DMD: variants seen among roughly 807,000 people sequenced by gnomAD.
DMD encodes mutant dystrophin.
DMD carries 63 observed loss-of-function variants against 330.1 expected under a neutral mutation model. The ratio of observed to expected loss-of-function variants is 0.19; its 90% CI spans 0.16 to 0.24. The LOEUF is 0.24. DMD is among the 10% of genes least tolerant of loss of function. The pLI is 1.00. For missense variants in DMD, 3,344 were observed against 2,684.1 expected (o/e 1.25, Z -5.43); for synonymous variants, 1,223 against 959.8 (o/e 1.27, Z -5.07).
intron 44 of DMD, among the ~76,000 whole-genome samples, chrX:32,092,886 A>G (rs936440661): frequency 2.8e-5 from 3 of 108,863 alleles, no homozygotes; most frequent in African/African-American, 1.0e-4. Context: ...CACTATTAAA[A>G]CGCAACTTAT....
At chrX:32,586,480 G>A (rs1318321139) in intron 13 of DMD, among the ~76,000 whole-genome samples, 1 of 108,210 alleles carries the variant, frequency 9.2e-6, no homozygotes, top group African/African-American at 3.4e-5. Flanking sequence ...ATTTGTACTT[G>A]TAAATTTAAC....
Position 31,314,574 on chromosome X carries a change from G to A in DMD, c.9224+9024C>T, listed in dbSNP as rs140677793. Among the ~76,000 whole-genome samples, 1,357 of 111,238 alleles carry A rather than the reference G, an allele frequency of 0.012. 24 individuals are homozygous for A. The highest frequency in any genetic ancestry group is 0.042 in the African/African-American group (1,273 of 30,556). On this transcript the variant is annotated intron_variant, in intron 62 of 78. Coordinates refer to ENST00000357033, the MANE Select transcript of DMD (RefSeq NM_004006.3). ...AAAACGTGATCATTTGCCGAATGCCGACAGTGAGCTAAGTCTCATCTAGGA... is the reference window on the plus strand; with the variant it reads ...AAAACGTGATCATTTGCCGAATGCCAACAGTGAGCTAAGTCTCATCTAGGA...
intron 44 of DMD, among the ~76,000 whole-genome samples, chrX:32,091,383 T>C (rs911219570): frequency 1.2e-4 from 13 of 112,164 alleles, no homozygotes; most frequent in African/African-American, 3.9e-4. Flanking sequence ...TAAAAAAGCA[T>C]GGCTTAGATG....
chrX:31,119,738 A>G lies in DMD; in HGVS notation c.*2181T>C, dbSNP rs1364851276. On this transcript the variant is annotated 3_prime_UTR_variant, in exon 79 of 79. Transcript: ENST00000357033. The stretch of plus-strand genomic sequence containing the variant: ...AAAGTAACCCCTTGTTTTAAATCTG[A>G]GTTTTAAAAATCCTTGGGTAAAGAA... The G allele has an allele frequency of 8.9e-6, 1 of 111,896 alleles. No individual in the cohort carries two copies. The allele number at this position is 111,896 out of a possible 1,213,427, so 9.2% of individuals were successfully genotyped here.
At chrX:32,429,788 C>T (rs1221280420) in intron 29 of DMD, among the ~76,000 whole-genome samples, 1 of 109,472 alleles carries the variant, frequency 9.1e-6, no homozygotes, top group African/African-American at 3.3e-5. Context: ...GCTGTAACTC[C>T]CCTCCATATT....
rs2147175359 is a variant in DMD at position 31,507,302 on chromosome X, C to T, written c.8369G>A (p.Arg2790Gln). The change falls in exon 56 of 79, where the codon CGG (arginine) becomes CAG (glutamine). Residue 2790 changes from arginine (R) to glutamine (Q), a missense_variant. Arg to Gln is a conservative substitution (Grantham distance 43). Coordinates refer to ENST00000357033, the MANE Select transcript of DMD (RefSeq NM_004006.3). ...DNMNFKWSEL[R>Q]KKSLNIRSHL... is the part of the protein sequence containing the mutation. ...CTACCTAATGTTGAGAGACTTTTTC[C>T]GAAGTTCACTCCACTTGAAGTTCAT... 12 of 1,211,228 alleles carry T rather than the reference C, an allele frequency of 9.9e-6. No homozygotes were observed. Among genetic ancestry groups the T allele is most frequent in the African/African-American group, 1.7e-5 (1 of 57,682 alleles).
rs774511414 is a variant in DMD at position 31,504,664 on chromosome X, A to G, written c.8390+2617T>C. Among the ~76,000 whole-genome samples the G allele has an allele frequency of 2.7e-5, 3 of 111,846 alleles. No individual in the cohort carries two copies. The East Asian group carries it at 8.4e-4, about 31-fold the overall frequency. ...CAGTGTTATTCTATTCTATTTCATA[A>G]TCATCCCTAATTACTGCCTATACTG... On this transcript the variant is annotated intron_variant, in intron 56 of 78. Coordinates refer to ENST00000357033, the MANE Select transcript of DMD (RefSeq NM_004006.3).
chrX:32,908,418 G>C lies in DMD; in HGVS notation c.94-58598C>G, dbSNP rs1270559495. On this transcript the variant is annotated intron_variant, in intron 2 of 78. Coordinates refer to ENST00000357033, the MANE Select transcript of DMD (RefSeq NM_004006.3). ...TGAAAATATTTTTAAAGTACATTTTGCACCAAACATTTTAACTTATGAGTA... is the reference window on the plus strand; with the variant it reads ...TGAAAATATTTTTAAAGTACATTTTCCACCAAACATTTTAACTTATGAGTA... 9.0e-5 allele frequency among the ~76,000 whole-genome samples: 10 copies of C among 111,721 alleles called. No individual in the cohort carries two copies. The Admixed American group carries it at 9.5e-4, about 11-fold the overall frequency.
At position 32,354,268 on chromosome X, in the gene DMD, T is replaced by A. The variant is rs191681460; in HGVS notation, c.5326-5740A>T. Among the ~76,000 whole-genome samples the A allele has an allele frequency of 1.3e-4, 14 of 111,872 alleles. No homozygotes were observed. In the East Asian group the frequency reaches 2.2e-3, roughly 18 times the overall value. ...ATAATCCAAGTGCTACAGATTGGTTTAAAATTGCTTCAAATCCATCAGTCT... is the reference window on the plus strand; with the variant it reads ...ATAATCCAAGTGCTACAGATTGGTTAAAAATTGCTTCAAATCCATCAGTCT... On this transcript the variant is annotated intron_variant, in intron 37 of 78. Coordinates refer to ENST00000357033, the MANE Select transcript of DMD (RefSeq NM_004006.3).
intron 43 of DMD, among the ~76,000 whole-genome samples, chrX:32,257,551 A>C (rs1778136655): frequency 1.8e-5 from 2 of 111,851 alleles, no homozygotes; most frequent in South Asian, 7.5e-4. Context: ...AACCTGACAA[A>C]AACAAGCAAC....
intron 49 of DMD, among the ~76,000 whole-genome samples, chrX:31,832,223 C>T (rs1453371933): frequency 1.8e-5 from 2 of 112,128 alleles, no homozygotes; most frequent in African/African-American, 3.2e-5. Context: ...GGCAACATTT[C>T]GACCAATGAA....
Position 31,147,505 on chromosome X carries a change from C to G in DMD, c.10567G>C (p.Glu3523Gln), listed in dbSNP as rs1131691670. 24 of 1,188,280 alleles carry G rather than the reference C, an allele frequency of 2.0e-5. No homozygotes were observed. The highest frequency in any genetic ancestry group is 2.3e-4 in the Middle Eastern group (1 of 4,319). The change falls in exon 75 of 79, where the codon GAA becomes CAA. Residue 3523 changes from glutamate to glutamine, a missense_variant. By Grantham distance (29) the Glu-to-Gln change is conservative. Coordinates refer to ENST00000357033, the MANE Select transcript of DMD (RefSeq NM_004006.3). ...TGCTGCTGCTTTAGACGGTCATATTCTGCTTGCAGATTCCTATTGGCATCA... is the reference window on the plus strand; with the variant it reads ...TGCTGCTGCTTTAGACGGTCATATTGTGCTTGCAGATTCCTATTGGCATCA... Reference protein sequence around the residue: ...LEEENRNLQAEYDRLKQQHEH... With the variant: ...LEEENRNLQAQYDRLKQQHEH...
At position 32,554,109 on chromosome X, in the gene DMD, T is replaced by A. The variant is rs148426220; in HGVS notation, c.1993-8775A>T. Among the ~76,000 whole-genome samples the A allele has an allele frequency of 6.9e-3, 770 of 112,153 alleles. 17 individuals carry two copies. The highest frequency in any genetic ancestry group is 0.064 in the Admixed American group (672 of 10,557). ...CTAATGAGAACAAAGAGACAATTTA[T>A]CAGAATCTCTGGGACGCAGCTAAAG... On this transcript the variant is annotated intron_variant, in intron 16 of 78. Transcript: ENST00000357033.
intron 17 of DMD, among the ~76,000 whole-genome samples, chrX:32,534,212 TGACAGCCTTCTTCCTGGCTTGTA>T (rs1375798793): frequency 8.9e-6 from 1 of 112,158 alleles, no homozygotes; most frequent in East Asian, 2.8e-4. Context: ...CAGTTCCTGG[TGACAGCCTTCTTCCTGGCTTGTA>T]GACAGCCTCT....
At chrX:32,608,298 C>A (rs754818113) in intron 12 of DMD, among the ~76,000 whole-genome samples, 1 of 110,222 alleles carries the variant, frequency 9.1e-6, no homozygotes, top group Non-Finnish European at 1.9e-5. Flanking sequence ...GATGTCTTCT[C>A]AATTCGATTT....
At position 31,574,957 on chromosome X, in the gene DMD, T is replaced by C. The variant is rs764577085; in HGVS notation, c.8217+52716A>G. ...ATGGCTCTAATGCAATCACAAAATA[T>C]ATATTCGGTATCAAGATATATAAGA... On this transcript the variant is annotated intron_variant, in intron 55 of 78. Transcript: ENST00000357033. 2.7e-5 allele frequency among the ~76,000 whole-genome samples: 3 copies of C among 111,998 alleles called. No individual in the cohort carries two copies. In the South Asian group the frequency reaches 1.1e-3, roughly 42 times the overall value.
chrX:31,581,266 T>C (rs774473476), intron 55 of DMD, among the ~76,000 whole-genome samples: 2 of 112,058 alleles, frequency 1.8e-5, no homozygotes, highest in South Asian at 7.5e-4. Context: ...GTCTGCGAAT[T>C]TTCCTTACCA....
rs144900902 is a variant in DMD, at chrX:32,714,063, T to A, written c.650-14770A>T. Among the ~76,000 whole-genome samples, 537 of 111,856 alleles carry A rather than the reference T, an allele frequency of 4.8e-3. 5 individuals are homozygous for A. The highest frequency in any genetic ancestry group is 0.017 in the African/African-American group (524 of 30,769). On this transcript the variant is annotated intron_variant, in intron 7 of 78. Transcript: ENST00000357033. ...AAAAATGGCATGATTAAATGGGTAC[T>A]CAAAGTACGGTTTCTACTGAACGCA...
chrX:31,396,359 C>A (rs1051944125), intron 60 of DMD, among the ~76,000 whole-genome samples: 39 of 109,841 alleles, frequency 3.6e-4, no homozygotes, highest in Non-Finnish European at 6.9e-4. Flanking sequence ...GGATGGTCTC[C>A]ATCTCCTGAC....
Sources: gnomAD v4.1 joint callset for allele counts (sites outside exome capture counted in the v4.1 genomes callset) on GRCh38, gnomAD v4.1.1 for gene constraint, MANE v1.5 for transcripts, NCBI Gene and HGNC (gene_info 2026-07-23, HGNC 2026-07-21) for gene names.